PPP4R1: variants seen among roughly 807,000 people sequenced by gnomAD.
The protein encoded by PPP4R1 is protein phosphatase 4 regulatory subunit 1.
Under a neutral mutation model 111.2 loss-of-function variants are expected in PPP4R1, and 42 were observed. The observed-to-expected ratio is 0.38, with a 90% CI of 0.29 to 0.49. The LOEUF (loss-of-function observed/expected upper bound fraction) is 0.49. Among genes scored for constraint, PPP4R1 ranks in the 20% least tolerant of loss-of-function variants. PPP4R1 has a pLI of 0.97. For synonymous variants in PPP4R1, 409 were observed against 405.5 expected (o/e 1.01, Z -0.10); for missense variants, 1,012 against 1,161.6 (o/e 0.87, Z 1.87).
intron 2 of PPP4R1, among the ~76,000 whole-genome samples, chr18:9,602,604 A>C (rs2067408005): frequency 6.6e-6 from 1 of 151,676 alleles, no homozygotes; most frequent in African/African-American, 2.4e-5. Context: ...TCACACCTTT[A>C]ATCCCAGCAC....
chr18:9,568,180 T>C (rs2066800727), intron 11 of PPP4R1, among the ~76,000 whole-genome samples: 1 of 152,130 alleles, frequency 6.6e-6, no homozygotes, highest in Non-Finnish European at 1.5e-5. Context: ...TGTGCAATCA[T>C]GCCCAGCTAC....
chr18:9,556,985 T>C, intron 15 of PPP4R1: 1 of 332,614 alleles, frequency 3.0e-6, no homozygotes, highest in Non-Finnish European at 5.4e-6. Flanking sequence ...TTTCACTCAA[T>C]AATTTTGAAA....
chr18:9,590,809 A>G (rs2067198601), intron 4 of PPP4R1, among the ~76,000 whole-genome samples: 1 of 152,196 alleles, frequency 6.6e-6, no homozygotes, highest in Non-Finnish European at 1.5e-5. Flanking sequence ...TAGAGAATAC[A>G]GGAAAAGATA....
intron 9 of PPP4R1, among the ~76,000 whole-genome samples, chr18:9,578,158 C>T (rs918249984): frequency 3.9e-5 from 6 of 152,124 alleles, no homozygotes; most frequent in Admixed American, 6.5e-5. Context: ...TGGACACAAT[C>T]GGACAAAGGC....
chr18:9,574,442 T>G (rs542660211), intron 10 of PPP4R1, among the ~76,000 whole-genome samples: 3 of 152,342 alleles, frequency 2.0e-5, no homozygotes, highest in Middle Eastern at 3.4e-3. Flanking sequence ...ATTAACTCAA[T>G]GAAGTTTTAG....
intron 2 of PPP4R1, chr18:9,612,343 C>T (rs988082640): frequency 6.6e-6 from 1 of 152,258 alleles, no homozygotes; most frequent in African/African-American, 2.4e-5. Flanking sequence ...AACAGAGCAG[C>T]CTGGCTCCAG....
intron 2 of PPP4R1, chr18:9,612,497 T>C (rs919833643): frequency 2.6e-5 from 4 of 152,252 alleles, no homozygotes; most frequent in Admixed American, 2.6e-4. Flanking sequence ...TTTTCACAGG[T>C]ATGCCTTCCC....
intron 13 of PPP4R1, among the ~76,000 whole-genome samples, chr18:9,561,286 T>C (rs1292071472): frequency 6.6e-6 from 1 of 151,122 alleles, no homozygotes; most frequent in African/African-American, 2.4e-5. Flanking sequence ...AAACAACACG[T>C]ACAGACAGTC....
At chr18:9,553,616 C>T (rs1207466014) in intron 15 of PPP4R1, among the ~76,000 whole-genome samples, 194 bp from the exon 16 acceptor site, 1 of 152,216 alleles carries the variant, frequency 6.6e-6, no homozygotes, top group Non-Finnish European at 1.5e-5. Flanking sequence ...CTTCAGGAAT[C>T]ACCATCTTGT....
In PPP4R1 at chr18:9,570,251, C is replaced by T; in HGVS notation, c.1479G>A (p.Val493=). The change falls in exon 11 of 20, where the codon GTG becomes GTA. Residue 493 remains valine (V), a synonymous_variant. Coordinates refer to ENST00000400556, the MANE Select transcript of PPP4R1 (RefSeq NM_001042388.3). Reference sequence around the variant, plus strand: ...CCATGGTGATGTTTGGAGAACTGGGCACAGGGCCCTCAGATTCTTCCTCTG... The same window carrying T: ...CCATGGTGATGTTTGGAGAACTGGGTACAGGGCCCTCAGATTCTTCCTCTG... ...EGPEEESEGP[V]PSSPNITMAT... The T allele has an allele frequency of 6.2e-7, 1 of 1,607,840 alleles. No homozygotes were observed. Among genetic ancestry groups the T allele is most frequent in the Non-Finnish European group, 8.5e-7 (1 of 1,177,798 alleles).
intron 12 of PPP4R1, 79 bp from the exon 13 acceptor site, chr18:9,562,154 C>T: frequency 9.3e-7 from 1 of 1,071,280 alleles, no homozygotes; most frequent in Admixed American, 1.9e-5. Context: ...AGTTACTTAC[C>T]TTTCAAGACT....
chr18:9,602,326 T>C (rs1475673597), intron 2 of PPP4R1, among the ~76,000 whole-genome samples: 1 of 129,678 alleles, frequency 7.7e-6, no homozygotes, highest in African/African-American at 3.1e-5. Context: ...GGTCAGGAGA[T>C]TGAGACCATC....
chr18:9,547,469 C>T lies in PPP4R1; in HGVS notation c.*320G>A, dbSNP rs1029237376. On this transcript the variant is annotated 3_prime_UTR_variant, in exon 20 of 20. Transcript: ENST00000400556. Reference sequence around the variant, plus strand: ...CAATGCAGGTCTCTGGGAATCTCATCCCTTCCATAAGGAAAATGCTCTGCC... The same window carrying T: ...CAATGCAGGTCTCTGGGAATCTCATTCCTTCCATAAGGAAAATGCTCTGCC... 1 of 228,286 alleles carries T rather than the reference C, an allele frequency of 4.4e-6. No homozygotes were observed. The highest frequency in any genetic ancestry group is 2.2e-5 in the African/African-American group (1 of 44,978). 14.1% of individuals were successfully genotyped at this position (228,286 alleles called of 1,614,324 possible). A position where few individuals can be genotyped will look rare whatever the true frequency, so the allele number is the denominator to read the frequency against.
At position 9,557,243 on chromosome 18, in the gene PPP4R1, T is replaced by C; in HGVS notation, c.2168A>G (p.Lys723Arg). The C allele has an allele frequency of 1.3e-6, 2 of 1,589,220 alleles. No homozygotes were observed. Among genetic ancestry groups the C allele is most frequent in the Non-Finnish European group, 1.7e-6 (2 of 1,173,368 alleles). Residue 723 changes from lysine to arginine, a missense_variant, in exon 15 of 20, where the codon AAA (lysine) becomes AGA (arginine). Lys to Arg is a conservative substitution (Grantham distance 26, BLOSUM62 2). Coordinates refer to ENST00000400556, the MANE Select transcript of PPP4R1 (RefSeq NM_001042388.3). ...DLDEVRIGVL[K>R]HLHDFLKLLH... The stretch of plus-strand genomic sequence containing the variant: ...TACCTTCAGAAAATCATGCAAGTGT[T>C]TAAGAACACCTATCCTGACTTCATC...
chr18:9,555,941 C>G (rs967433562), intron 15 of PPP4R1, among the ~76,000 whole-genome samples: 1 of 151,570 alleles, frequency 6.6e-6, no homozygotes, highest in East Asian at 2.0e-4. Flanking sequence ...TCAAGACCAT[C>G]CTGGCCAACA....
At chr18:9,600,309 C>G (rs746519659) in intron 2 of PPP4R1, among the ~76,000 whole-genome samples, 2 of 150,288 alleles carry the variant, frequency 1.3e-5, no homozygotes, top group Non-Finnish European at 3.0e-5. Flanking sequence ...AAAAAATATT[C>G]AGCTAACCCA....
chr18:9,565,694 T>C (rs1012627301), intron 11 of PPP4R1, among the ~76,000 whole-genome samples: 3 of 152,246 alleles, frequency 2.0e-5, no homozygotes, highest in Admixed American at 2.0e-4. Context: ...AGCAAGGCCC[T>C]AACTGGCTTC....
intron 2 of PPP4R1, chr18:9,613,416 C>T (rs2067618365): frequency 6.6e-6 from 1 of 152,174 alleles, no homozygotes; most frequent in Non-Finnish European, 1.5e-5. Context: ...TAGAAAAGTA[C>T]ATATAAGACG....
chr18:9,593,012 T>C (rs982309670), intron 4 of PPP4R1, among the ~76,000 whole-genome samples: 1 of 152,040 alleles, frequency 6.6e-6, no homozygotes, highest in Non-Finnish European at 1.5e-5. Flanking sequence ...CACATTCCCA[T>C]TAAAATGAAC....
Sources: allele counts gnomAD v4.1 joint callset (sites outside exome capture counted in the v4.1 genomes callset), GRCh38; gene constraint gnomAD v4.1.1; transcripts MANE v1.5; gene names NCBI Gene and HGNC (gene_info 2026-07-23, HGNC 2026-07-21).